The following SLC43A1 variants were observed in gnomAD, a reference collection of about 807,000 sequenced individuals.
The protein encoded by SLC43A1 is large neutral amino acids transporter small subunit 3.
Under a neutral mutation model 59.5 loss-of-function variants are expected in SLC43A1, and 31 were observed. That is an observed-to-expected ratio of 0.52 (90% CI 0.39 to 0.70). SLC43A1 has a LOEUF of 0.70. Ranked by LOEUF, SLC43A1 falls within the 30% of genes least tolerant of loss-of-function variation. The pLI is 0.00. For missense variants in SLC43A1, 598 were observed against 717.8 expected, an observed-to-expected ratio of 0.83 and a Z score of 1.91; for synonymous variants, 259 against 290.9, an observed-to-expected ratio of 0.89 and a Z score of 1.12.
At chr11:57,512,177 T>C (rs1383824662) in intron 2 of SLC43A1, among the ~76,000 whole-genome samples, 1 of 152,184 alleles carries the variant, frequency 6.6e-6, no homozygotes, top group Non-Finnish European at 1.5e-5. Context: ...CTAAATATTG[T>C]GTGGTGGGTA....
At chr11:57,487,428 T>C (rs1164299149) in intron 13 of SLC43A1, among the ~76,000 whole-genome samples, 2 of 152,162 alleles carry the variant, frequency 1.3e-5, no homozygotes, top group African/African-American at 4.8e-5. Context: ...ACCTCCTGTA[T>C]GTGTGATATT....
At chr11:57,492,023 G>A (rs1164110015) in intron 8 of SLC43A1, among the ~76,000 whole-genome samples, 161 bp from the exon 9 acceptor site, 1 of 152,072 alleles carries the variant, frequency 6.6e-6, no homozygotes, top group Non-Finnish European at 1.5e-5. Context: ...TTGCCTCCAG[G>A]CTCTTGCTCA....
At chr11:57,498,513 G>A (rs1236645543) in intron 5 of SLC43A1, among the ~76,000 whole-genome samples, 5 of 152,122 alleles carry the variant, frequency 3.3e-5, no homozygotes, top group Non-Finnish European at 7.4e-5. Context: ...TGAGACAATT[G>A]AGACCCAGGG....
At chr11:57,511,057 A>G (rs1049241712) in intron 2 of SLC43A1, among the ~76,000 whole-genome samples, 2 of 152,212 alleles carry the variant, frequency 1.3e-5, no homozygotes, top group African/African-American at 2.4e-5. Flanking sequence ...TAGCTCCTCA[A>G]AATGTTAAAC....
chr11:57,512,972 T>C (rs1944591984), intron 2 of SLC43A1, among the ~76,000 whole-genome samples: 1 of 152,126 alleles, frequency 6.6e-6, no homozygotes, highest in African/African-American at 2.4e-5. Context: ...TCAGGTGCTG[T>C]GCAGGAAGGA....
chr11:57,507,480 T>C (rs1371511738), intron 2 of SLC43A1, among the ~76,000 whole-genome samples: 1 of 151,548 alleles, frequency 6.6e-6, no homozygotes, highest in Admixed American at 6.6e-5. Flanking sequence ...AAAATAAAAA[T>C]AAAAAATAAA....
chr11:57,508,327 C>G (rs908203363), intron 2 of SLC43A1, among the ~76,000 whole-genome samples: 1 of 151,990 alleles, frequency 6.6e-6, no homozygotes, highest in Non-Finnish European at 1.5e-5. Context: ...TTCAATCACC[C>G]AACAGCACAT....
At chr11:57,508,415 C>A (rs936788521) in intron 2 of SLC43A1, among the ~76,000 whole-genome samples, 3 of 152,176 alleles carry the variant, frequency 2.0e-5, no homozygotes, top group Non-Finnish European at 1.5e-5. Context: ...TCTTGGGACA[C>A]TGCAGAGGAA....
intron 2 of SLC43A1, among the ~76,000 whole-genome samples, chr11:57,504,766 G>C (rs1299070763): frequency 6.6e-6 from 1 of 152,196 alleles, no homozygotes; most frequent in Non-Finnish European, 1.5e-5. Context: ...GAAAGGACAT[G>C]TGCTCTTCCA....
intron 2 of SLC43A1, among the ~76,000 whole-genome samples, chr11:57,503,297 GTTTTTT>G (rs11402480): frequency 8.6e-6 from 1 of 115,866 alleles, no homozygotes; most frequent in East Asian, 2.6e-4. Context: ...TTCTCTACAG[GTTTTTT>G]TTTTTTTTTT....
At chr11:57,507,800 T>A (rs556354616) in intron 2 of SLC43A1, among the ~76,000 whole-genome samples, 1 of 152,188 alleles carries the variant, frequency 6.6e-6, no homozygotes, top group Non-Finnish European at 1.5e-5. Context: ...AGAATGGAGA[T>A]CCAGAGAAGA....
chr11:57,509,469 TC>T (rs1944470655), intron 2 of SLC43A1, among the ~76,000 whole-genome samples: 1 of 151,522 alleles, frequency 6.6e-6, no homozygotes, highest in Non-Finnish European at 1.5e-5. Flanking sequence ...GTGCCTGTAG[TC>T]CCAGCTACTC....
At position 57,509,646 on chromosome 11, in the gene SLC43A1, G is replaced by T. The variant is rs558480409; in HGVS notation, c.154+4312C>A. ...GGAAGGAAGGAAGGAAGGAAGGAAG[G>T]AAGGAGGGAGGGAGGGAGGAAGGGA... On this transcript the variant is annotated intron_variant, in intron 2 of 14. Coordinates refer to ENST00000278426, the MANE Select transcript of SLC43A1 (RefSeq NM_003627.6). 4.7e-3 allele frequency among the ~76,000 whole-genome samples: 602 copies of T among 128,894 alleles called. 7 individuals are homozygous for T. The highest frequency in any genetic ancestry group is 0.016 in the African/African-American group (563 of 34,224). The allele number at this position is 128,894 out of a possible 152,430, so 84.6% of individuals were successfully genotyped here. A position where few individuals can be genotyped will look rare whatever the true frequency, so the allele number is the denominator to read the frequency against.
chr11:57,499,980 G>A (rs1420430917), intron 5 of SLC43A1, among the ~76,000 whole-genome samples: 1 of 152,140 alleles, frequency 6.6e-6, no homozygotes, highest in Non-Finnish European at 1.5e-5. Flanking sequence ...GGCGGCTGCT[G>A]GGGAGAGGTG....
intron 5 of SLC43A1, among the ~76,000 whole-genome samples, chr11:57,500,545 T>A (rs538358373): frequency 6.6e-6 from 1 of 152,170 alleles, no homozygotes; most frequent in East Asian, 1.9e-4. Flanking sequence ...ATGGGCTCTG[T>A]ACACACAAAC....
chr11:57,505,592 T>C (rs747545336), intron 2 of SLC43A1, among the ~76,000 whole-genome samples: 1 of 152,144 alleles, frequency 6.6e-6, no homozygotes, highest in Non-Finnish European at 1.5e-5. Context: ...GAAACATACA[T>C]GTATATGTAT....
intron 11 of SLC43A1, among the ~76,000 whole-genome samples, chr11:57,490,141 A>T (rs929586148): frequency 6.6e-6 from 1 of 152,140 alleles, no homozygotes; most frequent in African/African-American, 2.4e-5. Flanking sequence ...GATGAACACA[A>T]AAAGAGCAAA....
intron 5 of SLC43A1, 27 bp from the exon 6 acceptor site, chr11:57,497,872 G>A (rs1034902501): frequency 1.9e-6 from 3 of 1,579,912 alleles, no homozygotes; most frequent in African/African-American, 1.3e-5. Context: ...GCACCCATGA[G>A]GTGGGGACAC....
intron 2 of SLC43A1, among the ~76,000 whole-genome samples, chr11:57,501,830 T>C (rs1944276022): frequency 6.6e-6 from 1 of 152,130 alleles, no homozygotes; most frequent in South Asian, 2.1e-4. Context: ...TAAAACCCCA[T>C]CTCTAAATAA....
Sources: allele counts gnomAD v4.1 joint callset (sites outside exome capture counted in the v4.1 genomes callset), GRCh38; gene constraint gnomAD v4.1.1; transcripts MANE v1.5; gene names NCBI Gene and HGNC (gene_info 2026-07-23, HGNC 2026-07-21).